PTPRN2: variants seen among roughly 807,000 people sequenced by gnomAD.
PTPRN2 encodes the protein protein tyrosine phosphatase receptor type N2, also known as receptor-type tyrosine-protein phosphatase N2.
A neutral mutation model predicts 118.8 loss-of-function variants in PTPRN2; 74 were observed. The ratio of observed to expected loss-of-function variants is 0.62; its 90% confidence interval spans 0.52 to 0.76. The LOEUF (loss-of-function observed/expected upper bound fraction) is 0.76, where lower values mean the gene tolerates loss of function less well. Ranked by LOEUF, PTPRN2 falls within the 30% of genes least tolerant of loss-of-function variation. PTPRN2 has a pLI of 0.00. For missense variants in PTPRN2, 1,481 were observed against 1,394.4 expected, an observed-to-expected ratio of 1.06 and a Z score of -0.99; for synonymous variants, 641 against 608.0, an observed-to-expected ratio of 1.05 and a Z score of -0.80.
At chr7:158,123,338 C>T (rs904084044) in intron 9 of PTPRN2, among the ~76,000 whole-genome samples, 45 of 152,318 alleles carry the variant, frequency 3.0e-4, no homozygotes, top group African/African-American at 1.0e-3. Context: ...CTGACCAACG[C>T]GTGGTGACTG....
At chr7:158,280,475 C>T (rs1197216643) in intron 3 of PTPRN2, among the ~76,000 whole-genome samples, 2 of 152,226 alleles carry the variant, frequency 1.3e-5, no homozygotes, top group African/African-American at 4.8e-5. Flanking sequence ...AGCCTCTGCA[C>T]ACAAACCATC....
At chr7:157,720,157 A>G (rs1337433485) in intron 12 of PTPRN2, among the ~76,000 whole-genome samples, 1 of 152,212 alleles carries the variant, frequency 6.6e-6, no homozygotes, top group Non-Finnish European at 1.5e-5. Flanking sequence ...TGGCACCACC[A>G]GGGACCAGGC....
At position 157,617,243 on chromosome 7, in the gene PTPRN2, G is replaced by A. The variant is rs971466018; in HGVS notation, c.2344+4119C>T. On this transcript the variant is annotated intron_variant, in intron 15 of 22. Transcript: ENST00000389418. The surrounding 1 kb of genome is among the most constrained non-coding windows in gnomAD (Gnocchi z 7.5). ...AGCTGCAGCGCAGAGCACGGGGGAC[G>A]CTGGCTCACGATGCCCCAGTGATGC... 1 of 151,822 alleles carries A rather than the reference G, an allele frequency of 6.6e-6. No homozygotes were observed. Among genetic ancestry groups the A allele is most frequent in the Non-Finnish European group, 1.5e-5 (1 of 67,976 alleles). 9.4% of individuals were successfully genotyped at this position (151,822 alleles called of 1,614,324 possible).
chr7:158,532,240 G>A lies in PTPRN2; in HGVS notation c.113-42455C>T, dbSNP rs538938269. ...AGTGTAAAAAGATCCTCAGCTCGTC[G>A]GGCACGACCTTGCTTTGTTATCTGC... is the stretch of plus-strand genomic sequence containing the variant. On this transcript the variant is annotated intron_variant, in intron 1 of 22. Transcript: ENST00000389418. Among the ~76,000 whole-genome samples, 3 of 152,290 alleles carry A rather than the reference G, an allele frequency of 2.0e-5. No homozygotes were observed. The South Asian group carries it at 6.2e-4, about 32-fold the overall frequency.
At chr7:158,299,588 G>A (rs1299958800) in intron 3 of PTPRN2, among the ~76,000 whole-genome samples, 5 of 152,176 alleles carry the variant, frequency 3.3e-5, no homozygotes, top group Non-Finnish European at 4.4e-5. Flanking sequence ...GAGCCACCAC[G>A]CCTGACCAGG....
intron 1 of PTPRN2, among the ~76,000 whole-genome samples, chr7:158,559,811 T>G (rs1827267012): frequency 6.6e-6 from 1 of 152,230 alleles, no homozygotes; most frequent in Non-Finnish European, 1.5e-5. Flanking sequence ...TGAGGCGATG[T>G]CAAAGAACAA....
At chr7:158,132,268 T>C (rs1818399554) in intron 9 of PTPRN2, among the ~76,000 whole-genome samples, 2 of 139,368 alleles carry the variant, frequency 1.4e-5, no homozygotes, top group African/African-American at 5.4e-5. Context: ...TACACACTCA[T>C]ACACACACAC....
At chr7:157,843,546 C>T (rs1471136402) in intron 12 of PTPRN2, among the ~76,000 whole-genome samples, 1 of 152,194 alleles carries the variant, frequency 6.6e-6, no homozygotes, top group Non-Finnish European at 1.5e-5. Flanking sequence ...CCTTCCAGAC[C>T]CAACTTCCCT....
chr7:158,461,861 T>C (rs1412363228), intron 2 of PTPRN2, among the ~76,000 whole-genome samples: 1 of 140,804 alleles, frequency 7.1e-6, no homozygotes, highest in Non-Finnish European at 1.6e-5. Context: ...ACGTCTTTAG[T>C]GTGGGTTCCT....
rs1261120855 is a variant in PTPRN2 at position 158,500,283 on chromosome 7, C to A, written c.113-10498G>T. Among the ~76,000 whole-genome samples the A allele has an allele frequency of 2.6e-5, 4 of 152,304 alleles. No homozygotes were observed. In the East Asian group the frequency reaches 7.7e-4, roughly 29 times the overall value. On this transcript the variant is annotated intron_variant, in intron 1 of 22. Coordinates refer to ENST00000389418, the MANE Select transcript of PTPRN2 (RefSeq NM_002847.5). ...CGTGAGACCTTATCAGAGGATGGGA[C>A]TGACACTTTAGGAGGATAGTCTGAG...
chr7:157,967,653 C>G (rs1474371921), intron 11 of PTPRN2, among the ~76,000 whole-genome samples: 1 of 152,142 alleles, frequency 6.6e-6, no homozygotes, highest in Non-Finnish European at 1.5e-5. Flanking sequence ...CTGACCCATT[C>G]CACAAGTCAT....
At chr7:157,648,396 G>A (rs367619623) in intron 14 of PTPRN2, among the ~76,000 whole-genome samples, 13 of 59,104 alleles carry the variant, frequency 2.2e-4, no homozygotes, top group African/African-American at 3.3e-4. Flanking sequence ...TCGGTGGGTC[G>A]GACCCATTCA....
chr7:158,225,374 G>A (rs1828683729), intron 3 of PTPRN2, among the ~76,000 whole-genome samples: 2 of 151,992 alleles, frequency 1.3e-5, no homozygotes, highest in Non-Finnish European at 2.9e-5. Context: ...GCACCACGGA[G>A]CACCACTTGG....
chr7:158,403,775 T>A (rs1813131063), intron 2 of PTPRN2, among the ~76,000 whole-genome samples: 1 of 152,132 alleles, frequency 6.6e-6, no homozygotes, highest in Admixed American at 6.5e-5. Context: ...CGAGGCTGAA[T>A]CTTGATTCCC....
At chr7:157,855,828 C>T (rs1809672964) in intron 12 of PTPRN2, 1 of 152,218 alleles carries the variant, frequency 6.6e-6, no homozygotes, top group African/African-American at 2.4e-5. Context: ...ATGAACTTTC[C>T]TCTCTCTAAA....
chr7:157,685,508 C>T (rs1382600885), intron 12 of PTPRN2, among the ~76,000 whole-genome samples: 1 of 152,084 alleles, frequency 6.6e-6, no homozygotes, highest in Non-Finnish European at 1.5e-5. Flanking sequence ...GGAAGGGGCA[C>T]AGGCGCTGCC....
At chr7:157,633,763 G>T (rs1464323179) in intron 14 of PTPRN2, among the ~76,000 whole-genome samples, 1 of 152,224 alleles carries the variant, frequency 6.6e-6, no homozygotes, top group African/African-American at 2.4e-5. Flanking sequence ...GAAGGTCGGG[G>T]CTGCAGAGAA....
chr7:157,932,045 G>A (rs987192382), intron 11 of PTPRN2, among the ~76,000 whole-genome samples: 3 of 152,160 alleles, frequency 2.0e-5, no homozygotes, highest in African/African-American at 7.2e-5. Flanking sequence ...TAACATTTTA[G>A]GCTTTACTCT....
chr7:158,312,465 T>C (rs1801904023), intron 3 of PTPRN2, among the ~76,000 whole-genome samples: 1 of 142,570 alleles, frequency 7.0e-6, no homozygotes, highest in African/African-American at 2.6e-5. Flanking sequence ...CATGCTCACG[T>C]GGATACCCAC....
Sources: allele counts gnomAD v4.1 joint callset (sites outside exome capture counted in the v4.1 genomes callset), GRCh38; gene constraint gnomAD v4.1.1; non-coding constraint Gnocchi (gnomAD v3.1); transcripts MANE v1.5; gene names NCBI Gene and HGNC (gene_info 2026-07-23, HGNC 2026-07-21).